Variants in TMEM102 observed in about 807,000 individuals in gnomAD.
TMEM102 encodes the protein transmembrane protein 102, also known as DANGER family member 2B.
TMEM102 carries 28 observed loss-of-function variants against 26.8 expected under a neutral mutation model. The ratio of observed to expected loss-of-function variants is 1.05; its 90% CI spans 0.77 to 1.43. TMEM102 has a LOEUF of 1.43. Ranked by LOEUF, TMEM102 falls within the 40% of genes most tolerant of loss-of-function variation. TMEM102 has a pLI of 0.00. For missense variants in TMEM102, 677 were observed against 705.6 expected, an observed-to-expected ratio of 0.96 and a Z score of 0.46; for synonymous variants, 306 against 332.1, an observed-to-expected ratio of 0.92 and a Z score of 0.86.
chr17:7,437,106 C>T lies in TMEM102; in HGVS notation c.1127C>T (p.Ala376Val), dbSNP rs773476684. 6.7e-7 allele frequency: 1 copy of T among 1,493,032 alleles called. No individual in the cohort carries two copies. Among genetic ancestry groups the T allele is most frequent in the Non-Finnish European group, 8.8e-7 (1 of 1,131,834 alleles). The allele number at this position is 1,493,032 out of a possible 1,614,324, so 92.5% of individuals were successfully genotyped here. The change falls in exon 3 of 3, where the codon GCG becomes GTG. Residue 376 changes from alanine (A) to valine (V), a missense_variant. Physicochemically the swap from Ala to Val is moderately conservative, Grantham distance 64 (BLOSUM62 0). Coordinates refer to ENST00000323206, the MANE Select transcript of TMEM102 (RefSeq NM_178518.3). This position sits in a 1 kb window ranked among gnomAD's most constrained non-coding sequence, Gnocchi z 4.2. ...CFARQELALK[A>V]RIPAPLLQAH... ...GCCCGCCAGGAGCTGGCGCTCAAAG[C>T]GCGCATACCAGCGCCGCTGCTGCAG...
In TMEM102 at chr17:7,437,404, G is replaced by A; in HGVS notation, c.1425G>A (p.Arg475=). 1.3e-6 allele frequency: 2 copies of A among 1,525,462 alleles called. No individual in the cohort carries two copies. The highest frequency in any genetic ancestry group is 1.4e-5 in the African/African-American group (1 of 70,062). 94.5% of individuals were successfully genotyped at this position (1,525,462 alleles called of 1,614,324 possible). ...DSAALLGELA[R]LRGDPARALR... ...CTGCGCTGCTCGGAGAATTGGCCCG[G>A]CTCCGCGGGGACCCGGCCCGGGCCC... The change falls in exon 3 of 3, where the codon CGG becomes CGA. Residue 475 remains arginine (R), a synonymous_variant. Transcript: ENST00000323206. This position sits in a 1 kb window ranked among gnomAD's most constrained non-coding sequence, Gnocchi z 4.2.
chr17:7,436,539 A>G lies in TMEM102; in HGVS notation c.560A>G (p.Gln187Arg). Residue 187 changes from glutamine to arginine, a missense_variant, in exon 3 of 3, where the codon CAA becomes CGA. Coordinates refer to ENST00000323206, the MANE Select transcript of TMEM102 (RefSeq NM_178518.3). Reference protein sequence around the residue: ...TESEESSKDWQSSVDQPHSYV... With the variant: ...TESEESSKDWRSSVDQPHSYV... Reference sequence around the variant, plus strand: ...AGCGAAGAAAGTTCCAAGGACTGGCAAAGCTCTGTAGACCAGCCGCACAGC... The same window carrying G: ...AGCGAAGAAAGTTCCAAGGACTGGCGAAGCTCTGTAGACCAGCCGCACAGC... The G allele has an allele frequency of 4.3e-6, 7 of 1,613,998 alleles. No individual in the cohort carries two copies. Among genetic ancestry groups the G allele is most frequent in the Non-Finnish European group, 5.9e-6 (7 of 1,180,022 alleles).
chr17:7,437,205 G>T lies in TMEM102; in HGVS notation c.1226G>T (p.Arg409Leu). 1 of 1,506,418 alleles carries T rather than the reference G, an allele frequency of 6.6e-7. No individual in the cohort carries two copies. The highest frequency in any genetic ancestry group is 8.8e-7 in the Non-Finnish European group (1 of 1,132,920). The allele number at this position is 1,506,418 out of a possible 1,614,324, so 93.3% of individuals were successfully genotyped here. Residue 409 changes from arginine to leucine, a missense_variant, in exon 3 of 3, where the codon CGG (arginine) becomes CTG (leucine). Physicochemically the swap from Arg to Leu is moderately radical, Grantham distance 102. Transcript: ENST00000323206. This position sits in a 1 kb window ranked among gnomAD's most constrained non-coding sequence, Gnocchi z 4.2. ...GTRAAAPYLLRTLLYWACERL... is the reference protein window; with the variant it reads ...GTRAAAPYLLLTLLYWACERL... Reference sequence around the variant, plus strand: ...CGGGCGGCGGCGCCCTACCTCCTGCGGACGCTGCTGTACTGGGCGTGCGAG... The same window carrying T: ...CGGGCGGCGGCGCCCTACCTCCTGCTGACGCTGCTGTACTGGGCGTGCGAG...
Position 7,437,366 on chromosome 17 carries a change from G to C in TMEM102, c.1387G>C (p.Gly463Arg), listed in dbSNP as rs768664173. The C allele has an allele frequency of 1.3e-6, 2 of 1,567,642 alleles. No individual in the cohort carries two copies. The highest frequency in any genetic ancestry group is 1.7e-4 in the Middle Eastern group (1 of 5,860). Reference sequence around the variant, plus strand: ...TCTGAACGGCCGACAGCTCCGTACGGGGGACGACTCCGCTGCGCTGCTCGG... The same window carrying C: ...TCTGAACGGCCGACAGCTCCGTACGCGGGACGACTCCGCTGCGCTGCTCGG... ...YFLNGRQLRT[G>R]DDSAALLGEL... Residue 463 changes from glycine to arginine, a missense_variant, in exon 3 of 3, where the codon GGG becomes CGG. Transcript: ENST00000323206. This position sits in a 1 kb window ranked among gnomAD's most constrained non-coding sequence, Gnocchi z 4.2.
Position 7,436,598 on chromosome 17 carries a change from G to C in TMEM102, c.619G>C (p.Glu207Gln). The C allele has an allele frequency of 6.2e-7, 1 of 1,614,008 alleles. No individual in the cohort carries two copies. The highest frequency in any genetic ancestry group is 8.5e-7 in the Non-Finnish European group (1 of 1,180,014). The change falls in exon 3 of 3, where the codon GAA (glutamate) becomes CAA (glutamine). Residue 207 changes from glutamate (E) to glutamine (Q), a missense_variant. Transcript: ENST00000323206. Reference protein sequence around the residue: ...VTEHEAPVSLEKSPSDVSASE... With the variant: ...VTEHEAPVSLQKSPSDVSASE... ...TGAGCACGAGGCGCCGGTGTCTTTG[G>C]AAAAATCGCCTAGTGACGTTTCAGC...
rs1908116232 is a variant in TMEM102, at chr17:7,437,658, C to T, written c.*152C>T. On this transcript the variant is annotated 3_prime_UTR_variant, in exon 3 of 3. Coordinates refer to ENST00000323206, the MANE Select transcript of TMEM102 (RefSeq NM_178518.3). This position sits in a 1 kb window ranked among gnomAD's most constrained non-coding sequence, Gnocchi z 4.2. ...CTGTTGGTTCCTCCTCTACGCCCAC[C>T]CGCCTGCCCCCGCACAAGTTGCCCC... 1 of 504,652 alleles carries T rather than the reference C, an allele frequency of 2.0e-6. No homozygotes were observed. Among genetic ancestry groups the T allele is most frequent in the Middle Eastern group, 5.4e-4 (1 of 1,850 alleles). 31.3% of individuals were successfully genotyped at this position (504,652 alleles called of 1,614,324 possible).
At position 7,437,180 on chromosome 17, in the gene TMEM102, C is replaced by G; in HGVS notation, c.1201C>G (p.Arg401Gly). The change falls in exon 3 of 3, where the codon CGG becomes GGG. Residue 401 changes from arginine to glycine, a missense_variant. Coordinates refer to ENST00000323206, the MANE Select transcript of TMEM102 (RefSeq NM_178518.3). The surrounding 1 kb of genome is among the most constrained non-coding windows in gnomAD (Gnocchi z 4.2). ...ALLRPLVAGTRAAAPYLLRTL... is the reference protein window; with the variant it reads ...ALLRPLVAGTGAAAPYLLRTL... The stretch of plus-strand genomic sequence containing the variant: ...ACTGCGCCCGCTGGTGGCCGGGACC[C>G]GGGCGGCGGCGCCCTACCTCCTGCG... The G allele has an allele frequency of 6.7e-7, 1 of 1,491,628 alleles. No individual in the cohort carries two copies. The allele number at this position is 1,491,628 out of a possible 1,614,324, so 92.4% of individuals were successfully genotyped here.
rs1908013063 is a variant in TMEM102 at position 7,436,250 on chromosome 17, C to T, written c.271C>T (p.Arg91Cys). Reference sequence around the variant, plus strand: ...TCCCCAGGCAGAGCTCTTGCTGCTTCGTGGTGGGATTCGCGAGGGCTCCCT... The same window carrying T: ...TCCCCAGGCAGAGCTCTTGCTGCTTTGTGGTGGGATTCGCGAGGGCTCCCT... ...FPPQAELLLLRGGIREGSLDL... is the reference protein window; with the variant it reads ...FPPQAELLLLCGGIREGSLDL... The change falls in exon 3 of 3, where the codon CGT becomes TGT. Residue 91 changes from arginine (R) to cysteine (C), a missense_variant. Coordinates refer to ENST00000323206, the MANE Select transcript of TMEM102 (RefSeq NM_178518.3). 3.1e-6 allele frequency: 5 copies of T among 1,613,508 alleles called. No individual in the cohort carries two copies. Among genetic ancestry groups the T allele is most frequent in the African/African-American group, 1.3e-5 (1 of 74,922 alleles).
At position 7,437,099 on chromosome 17, in the gene TMEM102, C is replaced by T. The variant is rs765461668; in HGVS notation, c.1120C>T (p.Leu374Phe). The change falls in exon 3 of 3, where the codon CTC (leucine) becomes TTC (phenylalanine). Residue 374 changes from leucine (L) to phenylalanine (F), a missense_variant. Transcript: ENST00000323206. The surrounding 1 kb of genome is among the most constrained non-coding windows in gnomAD (Gnocchi z 4.2). ...CTGTTTTGCCCGCCAGGAGCTGGCG[C>T]TCAAAGCGCGCATACCAGCGCCGCT... is the stretch of plus-strand genomic sequence containing the variant. Reference protein sequence around the residue: ...QLCFARQELALKARIPAPLLQ... With the variant: ...QLCFARQELAFKARIPAPLLQ... 1 of 1,504,124 alleles carries T rather than the reference C, an allele frequency of 6.6e-7. No homozygotes were observed. Among genetic ancestry groups the T allele is most frequent in the Non-Finnish European group, 8.8e-7 (1 of 1,135,826 alleles). 93.2% of individuals were successfully genotyped at this position (1,504,124 alleles called of 1,614,324 possible). A position where few individuals can be genotyped will look rare whatever the true frequency, so the allele number is the denominator to read the frequency against.
rs1438019269 is a variant in TMEM102 at position 7,436,676 on chromosome 17, A to G, written c.697A>G (p.Lys233Glu). 6.2e-7 allele frequency: 1 copy of G among 1,613,852 alleles called. No homozygotes were observed. The highest frequency in any genetic ancestry group is 8.5e-7 in the Non-Finnish European group (1 of 1,180,036). The change falls in exon 3 of 3, where the codon AAA becomes GAA. Residue 233 changes from lysine (K) to glutamate (E), a missense_variant. Lys to Glu is a moderately conservative substitution (Grantham distance 56). Coordinates refer to ENST00000323206, the MANE Select transcript of TMEM102 (RefSeq NM_178518.3). ...CGACCTTGGCTCTACCGCACCTTTG[A>G]AAACAATGAGTAGTGACGTCACCAA... ...VVDLGSTAPL[K>E]TMSSDVTKAA...
Position 7,436,503 on chromosome 17 carries a change from A to G in TMEM102, c.524A>G (p.His175Arg). ...PPVPGARDSI[H>R]RTESEESSKD... is the part of the protein sequence containing the mutation. Reference sequence around the variant, plus strand: ...GTCCCAGGAGCACGTGATTCGATCCACCGAACGGAGAGCGAAGAAAGTTCC... The same window carrying G: ...GTCCCAGGAGCACGTGATTCGATCCGCCGAACGGAGAGCGAAGAAAGTTCC... Residue 175 changes from histidine to arginine, a missense_variant, in exon 3 of 3, where the codon CAC becomes CGC. Physicochemically the swap from His to Arg is conservative, Grantham distance 29. Coordinates refer to ENST00000323206, the MANE Select transcript of TMEM102 (RefSeq NM_178518.3). The G allele has an allele frequency of 6.2e-7, 1 of 1,613,852 alleles. No individual in the cohort carries two copies. The highest frequency in any genetic ancestry group is 8.5e-7 in the Non-Finnish European group (1 of 1,180,024).
In TMEM102 at chr17:7,435,850, C is replaced by A. The variant is rs1263185306; in HGVS notation, c.-19-3C>A. 2 of 1,552,370 alleles carry A rather than the reference C, an allele frequency of 1.3e-6. No individual in the cohort carries two copies. The highest frequency in any genetic ancestry group is 2.3e-5 in the East Asian group (1 of 44,126). On this transcript the variant is annotated splice_polypyrimidine_tract_variant and splice_region_variant and intron_variant, in intron 1 of 2. Transcript: ENST00000323206. ...AGCCACCTCCCTTCCGTGTTTTCCG[C>A]AGCCCAAAGCGATAGAACCGCATGG...
rs548167086 is a variant in TMEM102 at position 7,436,183 on chromosome 17, C to T, written c.215-11C>T. ...TGGGCGACGCCCTCACGATCCGTTC[C>T]CTTTTTTTAGGTCTAGTTCACCGCC... On this transcript the variant is annotated splice_polypyrimidine_tract_variant and intron_variant, in intron 2 of 2. Coordinates refer to ENST00000323206, the MANE Select transcript of TMEM102 (RefSeq NM_178518.3). The T allele has an allele frequency of 2.2e-5, 35 of 1,580,654 alleles. No individual in the cohort carries two copies. The South Asian group carries it at 3.8e-4, about 17-fold the overall frequency.
chr17:7,436,391 G>A lies in TMEM102; in HGVS notation c.412G>A (p.Glu138Lys), dbSNP rs1908020064. 1.2e-6 allele frequency: 2 copies of A among 1,613,728 alleles called. No homozygotes were observed. The highest frequency in any genetic ancestry group is 1.3e-5 in the African/African-American group (1 of 74,918). Residue 138 changes from glutamate (E) to lysine (K), a missense_variant, in exon 3 of 3, where the codon GAA becomes AAA. Transcript: ENST00000323206. ...LDGTELQLDL[E>K]SCYAQVCLPE... ...CGGCACTGAACTGCAACTGGACCTG[G>A]AATCCTGTTACGCACAGGTCTGCCT...
At position 7,436,621 on chromosome 17, in the gene TMEM102, AG is replaced by A. The variant is rs766397677; in HGVS notation, c.643del (p.Ala215ArgfsTer18). On this transcript the variant is annotated frameshift_variant, in exon 3 of 3. Coordinates refer to ENST00000323206, the MANE Select transcript of TMEM102 (RefSeq NM_178518.3). LOFTEE classifies it high-confidence loss of function. ...SLEKSPSDVSASESPQHDVVD... is the reference protein window; with the variant it reads ...SLEKSPSDVSXSESPQHDVVD... Reference sequence around the variant, plus strand: ...TGGAAAAATCGCCTAGTGACGTTTCAGCGTCCGAGTCGCCTCAGCATGACGT... The same window carrying A: ...TGGAAAAATCGCCTAGTGACGTTTCACGTCCGAGTCGCCTCAGCATGACGT... 57 of 1,613,874 alleles carry A rather than the reference AG, an allele frequency of 3.5e-5. No individual in the cohort carries two copies. The highest frequency in any genetic ancestry group is 4.8e-5 in the Non-Finnish European group (57 of 1,180,048).
In TMEM102 at chr17:7,437,351, C is replaced by T. The variant is rs758259211; in HGVS notation, c.1372C>T (p.Arg458Ter). Residue 458 changes from arginine (R) to a stop codon, truncating the protein, a stop_gained, in exon 3 of 3, where the codon CGA becomes TGA. Transcript: ENST00000323206. LOFTEE classifies it high-confidence loss of function. This position sits in a 1 kb window ranked among gnomAD's most constrained non-coding sequence, Gnocchi z 4.2. ...GTLPHYFLNG[R>*]QLRTGDDSAA... is the part of the protein sequence containing the mutation. ...GTTGCCTCACTATTTTCTGAACGGC[C>T]GACAGCTCCGTACGGGGGACGACTC... 6.4e-6 allele frequency: 10 copies of T among 1,569,664 alleles called. No homozygotes were observed. The South Asian group carries it at 1.2e-4, about 18-fold the overall frequency.
Position 7,436,998 on chromosome 17 carries a change from T to A in TMEM102, c.1019T>A (p.Leu340Gln). ...GARSHSWAGP[L>Q]ASESASFYLV... ...CGGAGCCACTCGTGGGCCGGTCCGC[T>A]GGCCTCTGAGTCGGCTTCCTTCTAC... The change falls in exon 3 of 3, where the codon CTG becomes CAG. Residue 340 changes from leucine (L) to glutamine (Q), a missense_variant. Leu to Gln is a moderately radical substitution (Grantham distance 113). Coordinates refer to ENST00000323206, the MANE Select transcript of TMEM102 (RefSeq NM_178518.3). 6.3e-7 allele frequency: 1 copy of A among 1,599,430 alleles called. No homozygotes were observed. The highest frequency in any genetic ancestry group is 8.5e-7 in the Non-Finnish European group (1 of 1,178,680).
intron 1 of TMEM102, 42 bp from the exon 2 acceptor site, chr17:7,435,811 C>A: frequency 6.7e-7 from 1 of 1,484,552 alleles, no homozygotes; most frequent in Non-Finnish European, 9.1e-7. Context: ...ACGGGGACGA[C>A]TTTGTGGCAG....
rs768722123 is a variant in TMEM102 at position 7,436,499 on chromosome 17, A to G, written c.520A>G (p.Ile174Val). The change falls in exon 3 of 3, where the codon ATC (isoleucine) becomes GTC (valine). Residue 174 changes from isoleucine to valine, a missense_variant. By Grantham distance (29) the Ile-to-Val change is conservative. Transcript: ENST00000323206. Reference protein sequence around the residue: ...GPPVPGARDSIHRTESEESSK... With the variant: ...GPPVPGARDSVHRTESEESSK... ...CCCAGTCCCAGGAGCACGTGATTCGATCCACCGAACGGAGAGCGAAGAAAG... is the reference window on the plus strand; with the variant it reads ...CCCAGTCCCAGGAGCACGTGATTCGGTCCACCGAACGGAGAGCGAAGAAAG... The G allele has an allele frequency of 1.2e-6, 2 of 1,613,836 alleles. No homozygotes were observed. Among genetic ancestry groups the G allele is most frequent in the East Asian group, 4.5e-5 (2 of 44,884 alleles).
Sources: allele counts gnomAD v4.1 joint callset, GRCh38; gene constraint gnomAD v4.1.1; non-coding constraint Gnocchi (gnomAD v3.1); transcripts MANE v1.5; gene names NCBI Gene and HGNC (gene_info 2026-07-23, HGNC 2026-07-21).